The following FGF1 variants were observed in gnomAD, a reference collection of about 807,000 sequenced individuals.
The protein encoded by FGF1 is fibroblast growth factor 1, also known as beta-endothelial cell growth factor.
A neutral mutation model predicts 13.4 loss-of-function variants in FGF1; 9 were observed. The observed-to-expected ratio is 0.67, with a 90% CI of 0.40 to 1.17. The LOEUF is 1.17. FGF1 is among the 50% of genes most tolerant of loss of function. FGF1 has a pLI of 0.01. For missense variants in FGF1, 156 were observed against 192.7 expected, an observed-to-expected ratio of 0.81 and a Z score of 1.13; for synonymous variants, 93 against 79.0, an observed-to-expected ratio of 1.18 and a Z score of -0.94.
chr5:142,634,076 C>G (rs1335545123), intron 1 of FGF1, among the ~76,000 whole-genome samples: 3 of 151,792 alleles, frequency 2.0e-5, no homozygotes, highest in Non-Finnish European at 2.9e-5. Context: ...GCCTGTAGTC[C>G]CAGCTACTCG....
At chr5:142,650,658 G>C in intron 1 of FGF1, among the ~76,000 whole-genome samples, 1 of 149,196 alleles carries the variant, frequency 6.7e-6, no homozygotes, top group African/African-American at 2.5e-5. Context: ...CACTTTATAT[G>C]TGTGTGTGTG....
In FGF1 at chr5:142,592,452, A is replaced by C; in HGVS notation, c.*2838T>G. The C allele has an allele frequency of 7.5e-6, 3 of 398,586 alleles. No homozygotes were observed. The highest frequency in any genetic ancestry group is 1.3e-5 in the Non-Finnish European group (3 of 226,010). The allele number at this position is 398,586 out of a possible 1,614,324, so 24.7% of individuals were successfully genotyped here. On this transcript the variant is annotated 3_prime_UTR_variant, in exon 4 of 4. Transcript: ENST00000337706. The stretch of plus-strand genomic sequence containing the variant: ...GTGAATCTTTCTTATCATGCCTTCC[A>C]AGGAAACCAATACCTACCTCCACCA...
chr5:142,658,087 T>G (rs1168705970), intron 1 of FGF1, among the ~76,000 whole-genome samples: 1 of 152,184 alleles, frequency 6.6e-6, no homozygotes, highest in Non-Finnish European at 1.5e-5. Context: ...ACGTCTTGCA[T>G]TCTCCTTCTT....
chr5:142,651,779 G>A (rs536503338), intron 1 of FGF1, among the ~76,000 whole-genome samples: 1 of 150,928 alleles, frequency 6.6e-6, no homozygotes, highest in South Asian at 2.1e-4. Flanking sequence ...CTTTCATTTA[G>A]TAATATGCCT....
rs112275548 is a variant in FGF1, at chr5:142,640,427, G to C, written c.-34-26266C>G. ...AGTGCACCAGGAGGTGGAGTATGGT[G>C]GGGGGGGGGGTCTCTCTGAGAAGCG... is the stretch of plus-strand genomic sequence containing the variant. On this transcript the variant is annotated intron_variant, in intron 1 of 3. Transcript: ENST00000337706. Among the ~76,000 whole-genome samples, 405 of 45,132 alleles carry C rather than the reference G, an allele frequency of 9.0e-3. 8 individuals are homozygous for C. The highest frequency in any genetic ancestry group is 0.025 in the African/African-American group (382 of 15,278). The allele number at this position is 45,132 out of a possible 152,430, so 29.6% of individuals were successfully genotyped here.
chr5:142,692,677 GCA>G (rs1273608381), intron 2 of FGF1, among the ~76,000 whole-genome samples: 2 of 146,732 alleles, frequency 1.4e-5, no homozygotes, highest in Admixed American at 6.8e-5. Flanking sequence ...ACACACACAC[GCA>G]CACACGCACA....
intron 2 of FGF1, among the ~76,000 whole-genome samples, chr5:142,693,938 G>T (rs1752652463): frequency 6.6e-6 from 1 of 151,814 alleles, no homozygotes; most frequent in East Asian, 1.9e-4. Context: ...AACATTTGGG[G>T]TGTTTCTTCT....
intron 1 of FGF1, chr5:142,680,822 G>A (rs1294069667): frequency 1.3e-5 from 2 of 152,132 alleles, no homozygotes; most frequent in African/African-American, 2.4e-5. Context: ...CCGAGCAACA[G>A]CCAGACCTGA....
At chr5:142,678,407 C>G (rs925904639) in intron 1 of FGF1, among the ~76,000 whole-genome samples, 2 of 152,186 alleles carry the variant, frequency 1.3e-5, no homozygotes, top group Non-Finnish European at 2.9e-5. Context: ...ATGTGTTTGC[C>G]TCGGAATGGA....
chr5:142,694,737 T>C (rs1248687777), intron 2 of FGF1, among the ~76,000 whole-genome samples: 5 of 152,060 alleles, frequency 3.3e-5, no homozygotes, highest in Non-Finnish European at 7.4e-5. Flanking sequence ...TAGCCAACAT[T>C]TCCCGCAAAG....
chr5:142,647,671 A>G (rs577399116), intron 1 of FGF1, among the ~76,000 whole-genome samples: 2 of 152,326 alleles, frequency 1.3e-5, no homozygotes, highest in Admixed American at 1.3e-4. Context: ...TTTATACAAT[A>G]CTTATAATAA....
At chr5:142,689,996 C>T (rs551351540), upstream of FGF1, among the ~76,000 whole-genome samples, 2 of 149,164 alleles carry the variant, frequency 1.3e-5, no homozygotes, top group East Asian at 2.0e-4. Flanking sequence ...CCACCGCGCC[C>T]GGCCCCTCAA....
intron 2 of FGF1, among the ~76,000 whole-genome samples, chr5:142,603,846 C>T (rs1007066080): frequency 1.5e-4 from 23 of 152,086 alleles, no homozygotes; most frequent in African/African-American, 4.3e-4. Context: ...GGGGTATTTG[C>T]GCTCAGTCTC....
At chr5:142,694,477 G>A (rs968980781) in intron 2 of FGF1, among the ~76,000 whole-genome samples, 20 of 152,336 alleles carry the variant, frequency 1.3e-4, no homozygotes, top group Admixed American at 3.3e-4. Context: ...CAAAAGTTTT[G>A]CCAGCACAAA....
At position 142,595,013 on chromosome 5, in the gene FGF1, A is replaced by C; in HGVS notation, c.*277T>G. 1 of 365,194 alleles carries C rather than the reference A, an allele frequency of 2.7e-6. No individual in the cohort carries two copies. The highest frequency in any genetic ancestry group is 5.5e-5 in the South Asian group (1 of 18,096). 22.6% of individuals were successfully genotyped at this position (365,194 alleles called of 1,614,324 possible). A position where few individuals can be genotyped will look rare whatever the true frequency, so the allele number is the denominator to read the frequency against. Reference sequence around the variant, plus strand: ...TTTAGCCCCACTTTTGCATGGAGGGACTCAGCCTGCAAGAGGCAATTGGAG... The same window carrying C: ...TTTAGCCCCACTTTTGCATGGAGGGCCTCAGCCTGCAAGAGGCAATTGGAG... On this transcript the variant is annotated 3_prime_UTR_variant, in exon 4 of 4. Transcript: ENST00000337706.
intron 2 of FGF1, among the ~76,000 whole-genome samples, chr5:142,694,177 C>T (rs914833365): frequency 6.6e-6 from 1 of 151,568 alleles, no homozygotes. Flanking sequence ...TCCCCCCCAC[C>T]CTGCCCACCA....
intron 1 of FGF1, among the ~76,000 whole-genome samples, chr5:142,650,675 T>TATAC (rs1554087626): frequency 6.6e-6 from 1 of 150,692 alleles, no homozygotes; most frequent in African/African-American, 2.4e-5. Context: ...TGTGTATATA[T>TATAC]ACACACACAC....
chr5:142,622,954 G>A (rs1761892591), intron 1 of FGF1, among the ~76,000 whole-genome samples: 1 of 152,182 alleles, frequency 6.6e-6, no homozygotes, highest in African/African-American at 2.4e-5. Flanking sequence ...ACTTGACAAT[G>A]GTGTGCAGGA....
intron 1 of FGF1, among the ~76,000 whole-genome samples, chr5:142,620,373 G>A (rs546188730): frequency 1.7e-3 from 266 of 152,054 alleles, no homozygotes; most frequent in African/African-American, 6.0e-3. Flanking sequence ...AGCTGAGATC[G>A]CGCCACTGCA....
Sources: gnomAD v4.1 joint callset for allele counts (sites outside exome capture counted in the v4.1 genomes callset) on GRCh38, gnomAD v4.1.1 for gene constraint, MANE v1.5 for transcripts, NCBI Gene and HGNC (gene_info 2026-07-23, HGNC 2026-07-21) for gene names.